Variants in ERBB2 observed in about 807,000 individuals in gnomAD.
ERBB2 encodes receptor tyrosine-protein kinase erbB-2.
ERBB2 carries 61 observed loss-of-function variants against 149.0 expected under a neutral mutation model. That is an observed-to-expected ratio of 0.41 (90% CI 0.33 to 0.51). The LOEUF is 0.51. Among genes scored for constraint, ERBB2 ranks in the 20% least tolerant of loss-of-function variants. The pLI is 0.25. For synonymous variants in ERBB2, 633 were observed against 678.8 expected (o/e 0.93, Z 1.05); for missense variants, 1,205 against 1,655.1 (o/e 0.73, Z 4.72).
rs1301166513 is a variant in ERBB2, at chr17:39,728,451, C to G, written c.*407C>G. 2 of 254,590 alleles carry G rather than the reference C, an allele frequency of 7.9e-6. No individual in the cohort carries two copies. The highest frequency in any genetic ancestry group is 1.2e-4 in the East Asian group (2 of 17,300). 15.8% of individuals were successfully genotyped at this position (254,590 alleles called of 1,614,324 possible). On this transcript the variant is annotated 3_prime_UTR_variant, in exon 27 of 27. Transcript: ENST00000269571. ...CAGAGACTGTCCCTGAAACCTAGTA[C>G]TGCCCCCCATGAGGAAGGAACAGCA...
rs2145475921 is a variant in ERBB2 at position 39,709,421 on chromosome 17, C to T, written c.543C>T (p.Leu181=). 1 of 1,614,094 alleles carries T rather than the reference C, an allele frequency of 6.2e-7. No individual in the cohort carries two copies. The highest frequency in any genetic ancestry group is 1.3e-5 in the African/African-American group (1 of 75,042). Residue 181 remains leucine, a synonymous_variant, in exon 4 of 27, where the codon CTC becomes CTT. Coordinates refer to ENST00000269571, the MANE Select transcript of ERBB2 (RefSeq NM_004448.4). ...DIFHKNNQLA[L]TLIDTNRSRA... ...TCCACAAGAACAACCAGCTGGCTCT[C>T]ACACTGATAGACACCAACCGCTCTC...
Position 39,700,275 on chromosome 17 carries a change from C to A in ERBB2, c.37C>A (p.Leu13Ile). Residue 13 changes from leucine (L) to isoleucine (I), a missense_variant, in exon 1 of 27, where the codon CTC becomes ATC. Coordinates refer to ENST00000269571, the MANE Select transcript of ERBB2 (RefSeq NM_004448.4). ...LAALCRWGLL[L>I]ALLPPGAAST... ...GGCCTTGTGCCGCTGGGGGCTCCTCCTCGCCCTCTTGCCCCCCGGAGCCGC... is the reference window on the plus strand; with the variant it reads ...GGCCTTGTGCCGCTGGGGGCTCCTCATCGCCCTCTTGCCCCCCGGAGCCGC... 1 of 1,436,340 alleles carries A rather than the reference C, an allele frequency of 7.0e-7. No homozygotes were observed. Among genetic ancestry groups the A allele is most frequent in the Non-Finnish European group, 9.1e-7 (1 of 1,097,382 alleles). 89.0% of individuals were successfully genotyped at this position (1,436,340 alleles called of 1,614,324 possible).
At chr17:39,716,175 C>T in intron 12 of ERBB2, 126 bp from the exon 13 acceptor site, 1 of 1,103,416 alleles carries the variant, frequency 9.1e-7, no homozygotes, top group Non-Finnish European at 1.3e-6. Context: ...CTCTTCCTCT[C>T]CCTACATCGG....
At chr17:39,702,275 G>A (rs80063051) in intron 1 of ERBB2, among the ~76,000 whole-genome samples, 1 of 152,304 alleles carries the variant, frequency 6.6e-6, no homozygotes, top group East Asian at 1.9e-4. Flanking sequence ...CTCCAGCCTG[G>A]GTGACAGTGT....
chr17:39,691,870 G>A (rs1298976760), upstream of ERBB2, among the ~76,000 whole-genome samples: 1 of 121,944 alleles, frequency 8.2e-6, no homozygotes, highest in African/African-American at 3.3e-5. Context: ...CTTCATGATA[G>A]ATATAGATAT....
rs4252613 is a variant in ERBB2 at position 39,708,476 on chromosome 17, C to T, written c.381C>T (p.Thr127=). The T allele has an allele frequency of 6.2e-7, 1 of 1,614,166 alleles. No homozygotes were observed. Among genetic ancestry groups the T allele is most frequent in the East Asian group, 2.2e-5 (1 of 44,878 alleles). Residue 127 remains threonine, a synonymous_variant, in exon 3 of 27, where the codon ACC becomes ACT. Transcript: ENST00000269571. ...LDNGDPLNNT[T]PVTGASPGGL... ...ATGGAGACCCGCTGAACAATACCAC[C>T]CCTGTCACAGGGGCCTCCCCAGGAG...
At chr17:39,722,467 A>G (rs1285019631) in intron 16 of ERBB2, among the ~76,000 whole-genome samples, 6 of 152,038 alleles carry the variant, frequency 3.9e-5, no homozygotes, top group African/African-American at 1.2e-4. Flanking sequence ...TCACCACTGC[A>G]CTCAGCCTGG....
chr17:39,710,225 AATGTGCTCT>A (rs1307922171), intron 6 of ERBB2, 24 bp downstream of exon 6: 2 of 1,610,284 alleles, frequency 1.2e-6, no homozygotes, highest in Non-Finnish European at 1.7e-6. Flanking sequence ...CTTTGTGCCC[AATGTGCTCT>A]ACCCCCCAGG....
chr17:39,705,975 A>G (rs2058407986), intron 1 of ERBB2, among the ~76,000 whole-genome samples: 1 of 152,144 alleles, frequency 6.6e-6, no homozygotes, highest in South Asian at 2.1e-4. Context: ...GAGCAGAAAA[A>G]CAAGTTCAAC....
upstream of ERBB2, among the ~76,000 whole-genome samples, chr17:39,691,934 C>CATATACATATACATAT (rs564472045): frequency 1.3e-3 from 153 of 120,878 alleles, no homozygotes; most frequent in African/African-American, 1.6e-3. Flanking sequence ...TATACATATA[C>CATATACATATACATAT]ATATATATAT....
Position 39,727,083 on chromosome 17 carries a change from T to C in ERBB2, c.3159+80T>C, listed in dbSNP as rs984576147. On this transcript the variant is annotated intron_variant, in intron 25 of 26. Coordinates refer to ENST00000269571, the MANE Select transcript of ERBB2 (RefSeq NM_004448.4). The surrounding 1 kb of genome is among the most constrained non-coding windows in gnomAD (Gnocchi z 4.3). ...TGGACTAGGGTCCCTTTCTCTGATG[T>C]TCCCTCAACTGTCACCTCTCAAGGA... 28 of 1,352,124 alleles carry C rather than the reference T, an allele frequency of 2.1e-5. No individual in the cohort carries two copies. In the African/African-American group the frequency reaches 3.8e-4, roughly 18 times the overall value. 83.8% of individuals were successfully genotyped at this position (1,352,124 alleles called of 1,614,324 possible).
chr17:39,709,762 C>T (rs1412266267), intron 4 of ERBB2, 51 bp from the exon 5 acceptor site: 3 of 1,531,482 alleles, frequency 2.0e-6, no homozygotes, highest in Middle Eastern at 1.7e-4. Context: ...CTAACCCGTC[C>T]TCTCGCTGTT....
At chr17:39,697,353 T>C (rs1381576981), upstream of ERBB2, among the ~76,000 whole-genome samples, 4 of 147,138 alleles carry the variant, frequency 2.7e-5, no homozygotes, top group Non-Finnish European at 5.9e-5. Context: ...TTTTTTGTTT[T>C]GTTTTTTTTT....
intron 2 of ERBB2, chr17:39,707,417 CT>C: frequency 2.9e-6 from 1 of 342,592 alleles, no homozygotes; most frequent in East Asian, 4.6e-5. Context: ...ATCATGTCCC[CT>C]GTCCACCTGC....
intron 9 of ERBB2, among the ~76,000 whole-genome samples, chr17:39,713,732 G>A (rs1442537208): frequency 3.4e-5 from 5 of 146,512 alleles, no homozygotes; most frequent in South Asian, 4.4e-4. Flanking sequence ...CAGCCTGGGC[G>A]ACAGAGTGAG....
rs2059736262 is a variant in ERBB2, at chr17:39,725,985, CCTT to C, written c.2872+136_2872+138del. On this transcript the variant is annotated intron_variant, in intron 23 of 26. Coordinates refer to ENST00000269571, the MANE Select transcript of ERBB2 (RefSeq NM_004448.4). The surrounding 1 kb of genome is among the most constrained non-coding windows in gnomAD (Gnocchi z 4.6). ...CCCTAGTATGTTAGGAGCCTCAAAA[CCTT>C]CTTGTATCCCTTTTACAGTCAAAGT... The C allele has an allele frequency of 1.1e-6, 1 of 894,862 alleles. No homozygotes were observed. The allele number at this position is 894,862 out of a possible 1,614,324, so 55.4% of individuals were successfully genotyped here.
chr17:39,717,665 C>T (rs2059214831), intron 15 of ERBB2, 185 bp downstream of exon 15: 2 of 513,230 alleles, frequency 3.9e-6, no homozygotes, highest in Non-Finnish European at 3.4e-6. Context: ...GCAGTTCTAT[C>T]CCCACTGTTA....
At chr17:39,721,572 C>T (rs370452666) in intron 16 of ERBB2, among the ~76,000 whole-genome samples, 6 of 152,294 alleles carry the variant, frequency 3.9e-5, no homozygotes, top group South Asian at 2.1e-4. Context: ...TCGTGCCTGG[C>T]GGAGCCGAGT....
At chr17:39,700,508 C>T (rs929305589) in intron 1 of ERBB2, among the ~76,000 whole-genome samples, 197 bp downstream of exon 1, 1 of 152,200 alleles carries the variant, frequency 6.6e-6, no homozygotes, top group Non-Finnish European at 1.5e-5. Context: ...GGCAGCGGCT[C>T]GAGATGGCCC....
Sources: allele counts gnomAD v4.1 joint callset (sites outside exome capture counted in the v4.1 genomes callset), GRCh38; gene constraint gnomAD v4.1.1; non-coding constraint Gnocchi (gnomAD v3.1); transcripts MANE v1.5; gene names NCBI Gene and HGNC (gene_info 2026-07-23, HGNC 2026-07-21).